Variants in RCC1 observed in about 807,000 individuals in gnomAD.
RCC1 encodes the protein regulator of chromosome condensation 1, also known as regulator of chromosome condensation.
A neutral mutation model predicts 44.4 loss-of-function variants in RCC1; 11 were observed. The ratio of observed to expected loss-of-function variants is 0.25; its 90% CI spans 0.16 to 0.41. The LOEUF is 0.41. Among genes scored for constraint, RCC1 ranks in the 10% least tolerant of loss-of-function variants. RCC1 has a pLI of 1.00. For missense variants in RCC1, 386 were observed against 547.1 expected, an observed-to-expected ratio of 0.71 and a Z score of 2.94; for synonymous variants, 213 against 216.5, an observed-to-expected ratio of 0.98 and a Z score of 0.14.
At chr1:28,521,828 A>T (rs539031536) in intron 4 of RCC1, among the ~76,000 whole-genome samples, 1 of 152,272 alleles carries the variant, frequency 6.6e-6, no homozygotes, top group South Asian at 2.1e-4. Context: ...GATACTGGGG[A>T]GGCCTGCCCA....
chr1:28,509,090 A>AC (rs1662290524), intron 3 of RCC1, 185 bp downstream of exon 3: 6 of 356,720 alleles, frequency 1.7e-5, no homozygotes, highest in South Asian at 1.3e-4. Context: ...AACATAAGCC[A>AC]CCACGCCCAG....
chr1:28,506,742 A>G (rs1416067396), intron 1 of RCC1: 1 of 153,522 alleles, frequency 6.5e-6, no homozygotes, highest in East Asian at 2.0e-4. Context: ...GCCTTTAAGA[A>G]TTTTCTCAAT....
intron 8 of RCC1, 24 bp from the exon 9 acceptor site, chr1:28,535,234 C>T (rs1000576421): frequency 6.2e-7 from 1 of 1,614,184 alleles, no homozygotes; most frequent in Non-Finnish European, 8.5e-7. Flanking sequence ...TTGTGGCCTG[C>T]ATCCCTTACC....
intron 4 of RCC1, among the ~76,000 whole-genome samples, chr1:28,517,493 A>G (rs1007921412): frequency 2.6e-5 from 4 of 152,162 alleles, no homozygotes; most frequent in Non-Finnish European, 5.9e-5. Context: ...TGTAGCTCAT[A>G]AGAAGATGAC....
chr1:28,533,964 G>A (rs2124664553), intron 7 of RCC1, among the ~76,000 whole-genome samples: 1 of 131,486 alleles, frequency 7.6e-6, no homozygotes, highest in South Asian at 2.7e-4. Flanking sequence ...TGCAACCTCT[G>A]CCTCTCGGGC....
chr1:28,510,233 T>C (rs1228139741), intron 3 of RCC1: 1 of 152,264 alleles, frequency 6.6e-6, no homozygotes, highest in African/African-American at 2.4e-5. Flanking sequence ...TGCCAAGGTG[T>C]TGAGGTCAGG....
chr1:28,528,796 A>ATT (rs141797302), intron 4 of RCC1, among the ~76,000 whole-genome samples: 5 of 81,554 alleles, frequency 6.1e-5, no homozygotes, highest in Admixed American at 4.2e-4. Context: ...TTGTGTATGC[A>ATT]TTTTTTTTCC....
chr1:28,516,861 T>TG lies in RCC1; in HGVS notation c.-14dup. ...TCCATGATGGAGGCAGAGGTAAACT[T>TG]GGAGAGGTAAGAAACCCTGAAGACA... On this transcript the variant is annotated 5_prime_UTR_variant, in exon 4 of 13. Transcript: ENST00000683442. The TG allele has an allele frequency of 1.5e-5, 7 of 456,434 alleles. No individual in the cohort carries two copies. Among genetic ancestry groups the TG allele is most frequent in the South Asian group, 9.3e-5 (6 of 64,546 alleles). The allele number at this position is 456,434 out of a possible 1,614,324, so 28.3% of individuals were successfully genotyped here.
intron 3 of RCC1, among the ~76,000 whole-genome samples, chr1:28,516,402 C>T (rs2124618601): frequency 6.6e-6 from 1 of 151,728 alleles, no homozygotes; most frequent in East Asian, 1.9e-4. Context: ...ATCCCAGCTA[C>T]CTGGGAGGCT....
chr1:28,531,544 C>A (rs1664175114), intron 5 of RCC1, among the ~76,000 whole-genome samples: 1 of 152,166 alleles, frequency 6.6e-6, no homozygotes, highest in African/African-American at 2.4e-5. Flanking sequence ...AGATTCATTT[C>A]ACAGTATCCA....
chr1:28,530,614 A>G, intron 5 of RCC1: 1 of 1,602,050 alleles, frequency 6.2e-7, no homozygotes, highest in Non-Finnish European at 8.5e-7. Flanking sequence ...AAACCCGACC[A>G]GGTGGCTCCG....
chr1:28,529,936 A>G lies in RCC1; in HGVS notation c.70A>G (p.Lys24Glu), dbSNP rs1440234252. The G allele has an allele frequency of 5.0e-6, 8 of 1,613,654 alleles. No homozygotes were observed. The highest frequency in any genetic ancestry group is 6.8e-6 in the Non-Finnish European group (8 of 1,179,828). ...ADAIPKSKKV[K>E]VSHRSHSTEP... ...TGCCATCCCCAAAAGCAAGAAGGTG[A>G]AGGGTAAGTTGGCCTTGGCCTCTTT... Residue 24 changes from lysine (K) to glutamate (E), a missense_variant, in exon 5 of 13, where the codon AAG becomes GAG. Coordinates refer to ENST00000683442, the MANE Select transcript of RCC1 (RefSeq NM_001381865.2).
chr1:28,508,631 C>T (rs755718814), intron 2 of RCC1, 199 bp from the exon 3 acceptor site: 1 of 518,900 alleles, frequency 1.9e-6, no homozygotes, highest in Non-Finnish European at 3.8e-6. Flanking sequence ...TAGGGCTCTG[C>T]CCCATGATGT....
intron 3 of RCC1, among the ~76,000 whole-genome samples, chr1:28,511,395 T>A (rs1453342297): frequency 7.2e-6 from 1 of 137,948 alleles, no homozygotes; most frequent in Admixed American, 7.0e-5. Flanking sequence ...TCCAATTTTT[T>A]GTTTTTTGTT....
chr1:28,527,170 A>G, intron 4 of RCC1: 1 of 1,252,884 alleles, frequency 8.0e-7, no homozygotes, highest in Non-Finnish European at 1.1e-6. Flanking sequence ...CCCCCAAGGA[A>G]TGGCACTCAC....
In RCC1 at chr1:28,538,225, G is replaced by T; in HGVS notation, c.*218G>T. On this transcript the variant is annotated 3_prime_UTR_variant, in exon 13 of 13. Transcript: ENST00000683442. ...AGAATAAAGGGGGGGATGGACAGGG[G>T]GTTTTCAAAAGGAACATGGCTCACT... is the stretch of plus-strand genomic sequence containing the variant. The T allele has an allele frequency of 8.7e-6, 4 of 459,784 alleles. No individual in the cohort carries two copies. Among genetic ancestry groups the T allele is most frequent in the East Asian group, 3.6e-5 (1 of 27,658 alleles). 28.5% of individuals were successfully genotyped at this position (459,784 alleles called of 1,614,324 possible).
At chr1:28,509,159 A>C in intron 3 of RCC1, 1 of 315,010 alleles carries the variant, frequency 3.2e-6, no homozygotes, top group Non-Finnish European at 6.2e-6. Flanking sequence ...TTTTTGTACT[A>C]AAGGCTTTGG....
At chr1:28,530,004 G>C (rs1385547316) in intron 5 of RCC1, 65 bp downstream of exon 5, 1 of 1,280,222 alleles carries the variant, frequency 7.8e-7, no homozygotes, top group African/African-American at 1.5e-5. Context: ...ACCCGGGACT[G>C]GGCTCCTTTC....
chr1:28,523,972 C>T (rs75817949), intron 4 of RCC1, among the ~76,000 whole-genome samples: 12,535 of 152,212 alleles, frequency 0.082, 1,039 homozygotes, highest in African/African-American at 0.22. Context: ...CGCGTCACCA[C>T]GCCTGGCTAA....
Sources: allele counts gnomAD v4.1 joint callset (sites outside exome capture counted in the v4.1 genomes callset), GRCh38; gene constraint gnomAD v4.1.1; transcripts MANE v1.5; gene names NCBI Gene and HGNC (gene_info 2026-07-23, HGNC 2026-07-21).